The following ABCC4 variants were observed in gnomAD, a reference collection of about 807,000 sequenced individuals.
ABCC4 encodes ATP-binding cassette sub-family C member 4.
A neutral mutation model predicts 168.5 loss-of-function variants in ABCC4; 102 were observed. The ratio of observed to expected loss-of-function variants is 0.61; its 90% CI spans 0.52 to 0.71. The LOEUF is 0.71. Among genes scored for constraint, ABCC4 ranks in the 30% least tolerant of loss-of-function variants. ABCC4 has a pLI of 0.00. For missense variants in ABCC4, 1,402 were observed against 1,605.8 expected, an observed-to-expected ratio of 0.87 and a Z score of 2.17; for synonymous variants, 617 against 590.7, an observed-to-expected ratio of 1.04 and a Z score of -0.65.
At position 95,095,939 on chromosome 13, in the gene ABCC4, T is replaced by C. The variant is rs569952010; in HGVS notation, c.2536-12649A>G. ...CTCAATAGAAAAATTGTTAAGACAC[T>C]TAAATAGGTGCTTACCCAAATGATA... On this transcript the variant is annotated intron_variant, in intron 20 of 30. Coordinates refer to ENST00000645237, the MANE Select transcript of ABCC4 (RefSeq NM_005845.5). 5 of 386,720 alleles carry C rather than the reference T, an allele frequency of 1.3e-5. No homozygotes were observed. In the Middle Eastern group the frequency reaches 2.0e-3, roughly 153 times the overall value. The allele number at this position is 386,720 out of a possible 1,614,324, so 24.0% of individuals were successfully genotyped here. A position where few individuals can be genotyped will look rare whatever the true frequency, so the allele number is the denominator to read the frequency against.
intron 20 of ABCC4, among the ~76,000 whole-genome samples, chr13:95,099,057 T>C (rs1489282025): frequency 6.6e-6 from 1 of 152,226 alleles, no homozygotes; most frequent in Non-Finnish European, 1.5e-5. Flanking sequence ...ACATATGTAG[T>C]GTACCCATAA....
chr13:95,205,192 CA>C (rs2038746504), intron 8 of ABCC4, among the ~76,000 whole-genome samples: 2 of 152,228 alleles, frequency 1.3e-5, no homozygotes, highest in South Asian at 4.1e-4. Flanking sequence ...TTATGAAATA[CA>C]AACTTGCTAA....
At chr13:95,248,840 A>G (rs1003457344) in intron 1 of ABCC4, among the ~76,000 whole-genome samples, 31 of 152,186 alleles carry the variant, frequency 2.0e-4, no homozygotes, top group Admixed American at 6.5e-5. Flanking sequence ...TGAGGCCAGA[A>G]GCTCGAGACC....
At chr13:95,175,951 C>T (rs979221303) in intron 13 of ABCC4, among the ~76,000 whole-genome samples, 3 of 152,140 alleles carry the variant, frequency 2.0e-5, no homozygotes, top group African/African-American at 7.2e-5. Flanking sequence ...ACCACAGGAA[C>T]AGGTGCCTGC....
intron 4 of ABCC4, among the ~76,000 whole-genome samples, chr13:95,224,434 AC>A (rs1027989657): frequency 2.6e-5 from 4 of 152,130 alleles, no homozygotes; most frequent in African/African-American, 9.7e-5. Flanking sequence ...TGGCCAGCAG[AC>A]TTCTACTATA....
intron 19 of ABCC4, among the ~76,000 whole-genome samples, chr13:95,138,000 G>C (rs539920167): frequency 4.6e-5 from 7 of 152,160 alleles, no homozygotes; most frequent in African/African-American, 1.7e-4. Context: ...GTGGGGCGGG[G>C]GGAACCAATA....
At chr13:95,179,289 GA>G (rs1205465797) in intron 11 of ABCC4, among the ~76,000 whole-genome samples, 5 of 151,430 alleles carry the variant, frequency 3.3e-5, no homozygotes, top group Non-Finnish European at 5.9e-5. Flanking sequence ...TAGACTGACA[GA>G]AAAAAAACTG....
intron 26 of ABCC4, among the ~76,000 whole-genome samples, chr13:95,057,669 C>T (rs1205351379): frequency 6.6e-6 from 1 of 152,164 alleles, no homozygotes; most frequent in African/African-American, 2.4e-5. Context: ...ATGGTGTGGT[C>T]AAGAGTGACA....
At chr13:95,070,672 GTCATGGGA>G (rs575511426) in intron 25 of ABCC4, among the ~76,000 whole-genome samples, 45 of 152,138 alleles carry the variant, frequency 3.0e-4, no homozygotes, top group Non-Finnish European at 5.0e-4. Flanking sequence ...CACTGATGGG[GTCATGGGA>G]TCTGGGTCTT....
At chr13:95,045,326 T>C (rs527248330) in intron 27 of ABCC4, among the ~76,000 whole-genome samples, 2 of 152,332 alleles carry the variant, frequency 1.3e-5, no homozygotes, top group South Asian at 4.1e-4. Flanking sequence ...ATAGGCACTT[T>C]ACCATTTTGG....
chr13:95,034,477 A>T, intron 30 of ABCC4, 128 bp downstream of exon 30: 11 of 1,342,650 alleles, frequency 8.2e-6, no homozygotes, highest in Non-Finnish European at 1.1e-5. Flanking sequence ...CCCACTCATG[A>T]AGCTTTGTCT....
At chr13:95,251,433 T>C (rs1007923814) in intron 1 of ABCC4, among the ~76,000 whole-genome samples, 2 of 152,212 alleles carry the variant, frequency 1.3e-5, no homozygotes, top group African/African-American at 4.8e-5. Context: ...TGTTCTCTCT[T>C]TAATGGACAA....
intron 19 of ABCC4, among the ~76,000 whole-genome samples, chr13:95,145,004 T>G (rs1442317785): frequency 1.3e-5 from 2 of 151,176 alleles, no homozygotes; most frequent in Admixed American, 1.3e-4. Context: ...GTAAAAAAAA[T>G]GGGCAAAGGA....
rs779776078 is a variant in ABCC4 at position 95,247,669 on chromosome 13, T to C, written c.159A>G (p.Ser53=). The C allele has an allele frequency of 8.1e-6, 13 of 1,613,842 alleles. No individual in the cohort carries two copies. Among genetic ancestry groups the C allele is most frequent in the Non-Finnish European group, 1.1e-5 (13 of 1,179,904 alleles). ...DMYSVLPEDR[S]QHLGEELQGF... ...CTTGCAACTCCTCTCCAAGGTGCTG[T>C]GAGCGGTCTTCTGGCAGCACTGAAT... The change falls in exon 2 of 31, where the codon TCA becomes TCG. Residue 53 remains serine, a synonymous_variant. Coordinates refer to ENST00000645237, the MANE Select transcript of ABCC4 (RefSeq NM_005845.5).
chr13:95,292,560 GAAGT>G (rs1188737075), intron 1 of ABCC4, among the ~76,000 whole-genome samples: 4 of 152,168 alleles, frequency 2.6e-5, no homozygotes, highest in Admixed American at 1.3e-4. Context: ...GCTTTTCTTA[GAAGT>G]AAGTAAACAC....
intron 11 of ABCC4, among the ~76,000 whole-genome samples, chr13:95,184,841 C>A (rs2038008359): frequency 6.6e-6 from 1 of 152,200 alleles, no homozygotes; most frequent in Non-Finnish European, 1.5e-5. Context: ...TCTTGGTTAT[C>A]AACTGTAACT....
chr13:95,218,835 A>G (rs2039198056), intron 4 of ABCC4, among the ~76,000 whole-genome samples: 1 of 149,200 alleles, frequency 6.7e-6, no homozygotes, highest in Non-Finnish European at 1.5e-5. Context: ...TGGGCAACAG[A>G]GCAAAACCAA....
At chr13:95,163,284 A>T (rs1594211425) in intron 17 of ABCC4, 68 bp from the exon 18 acceptor site, 2 of 1,093,970 alleles carry the variant, frequency 1.8e-6, no homozygotes, top group Non-Finnish European at 2.7e-6. Flanking sequence ...TTTTTTTAAA[A>T]ATGAACCACA....
intron 8 of ABCC4, 104 bp downstream of exon 8, chr13:95,206,428 G>A: frequency 4.1e-6 from 6 of 1,473,260 alleles, no homozygotes; most frequent in Non-Finnish European, 5.5e-6. Flanking sequence ...TTGGTTATGA[G>A]AGAGTTAAAT....
Sources: gnomAD v4.1 joint callset for allele counts (sites outside exome capture counted in the v4.1 genomes callset) on GRCh38, gnomAD v4.1.1 for gene constraint, MANE v1.5 for transcripts, NCBI Gene and HGNC (gene_info 2026-07-23, HGNC 2026-07-21) for gene names.